The following CAST variants were observed in gnomAD, a reference collection of about 807,000 sequenced individuals.
CAST encodes the protein calpastatin.
CAST carries 76 observed loss-of-function variants against 119.6 expected under a neutral mutation model. That is an observed-to-expected ratio of 0.64 (90% CI 0.53 to 0.77). CAST has a LOEUF of 0.77. Ranked by LOEUF, CAST falls within the 30% of genes least tolerant of loss-of-function variation. The pLI, the probability that CAST is intolerant of heterozygous loss-of-function variation, is 0.00. For missense variants in CAST, 953 were observed against 946.5 expected, an observed-to-expected ratio of 1.01 and a Z score of -0.09; for synonymous variants, 319 against 331.6, an observed-to-expected ratio of 0.96 and a Z score of 0.41.
intron 16 of CAST, among the ~76,000 whole-genome samples, chr5:96,745,400 T>C (rs27979): frequency 6.6e-6 from 1 of 152,338 alleles, no homozygotes; most frequent in African/African-American, 2.4e-5. Flanking sequence ...GTTTTGTTTT[T>C]TATATTTCCT....
the CAST span, among the ~76,000 whole-genome samples, chr5:95,991,582 T>C: frequency 6.9e-6 from 1 of 144,128 alleles, no homozygotes; most frequent in African/African-American, 2.5e-5. Context: ...CTGGGCACAC[T>C]GTAACCTCTG....
chr5:96,367,796 C>T, the CAST span, among the ~76,000 whole-genome samples: 1 of 152,036 alleles, frequency 6.6e-6, no homozygotes, highest in Non-Finnish European at 1.5e-5. Flanking sequence ...CCTCGCCCTG[C>T]TTTGGCTCAC....
At chr5:96,063,058 G>A in the CAST span, among the ~76,000 whole-genome samples, 2 of 152,064 alleles carry the variant, frequency 1.3e-5, no homozygotes, top group Non-Finnish European at 2.9e-5. Flanking sequence ...TCAGAATCTT[G>A]GTAGACTTCC....
the CAST span, chr5:96,432,266 C>T: frequency 1.4e-6 from 1 of 737,122 alleles, no homozygotes; most frequent in Non-Finnish European, 2.2e-6. Context: ...ACCATTTCTC[C>T]CCCCAGCTTC....
At chr5:96,613,478 A>G (rs73774332) in intron 1 of CAST, among the ~76,000 whole-genome samples, 3 of 152,158 alleles carry the variant, frequency 2.0e-5, no homozygotes, top group Non-Finnish European at 2.9e-5. Context: ...TCACAACCCT[A>G]TGAGTTAGAT....
chr5:96,033,260 C>T, the CAST span, among the ~76,000 whole-genome samples: 1 of 151,824 alleles, frequency 6.6e-6, no homozygotes, highest in East Asian at 1.9e-4. Context: ...AAGAGATCAA[C>T]GTAATCCCTA....
At chr5:96,068,960 TG>T in the CAST span, among the ~76,000 whole-genome samples, 31 of 150,836 alleles carry the variant, frequency 2.1e-4, no homozygotes, top group Non-Finnish European at 4.3e-4. Flanking sequence ...ATCGACAGGA[TG>T]TATGCGTGTA....
chr5:96,212,103 ATTG>A, the CAST span, among the ~76,000 whole-genome samples: 1 of 151,058 alleles, frequency 6.6e-6, no homozygotes, highest in East Asian at 2.0e-4. Flanking sequence ...GATTTTTTGT[ATTG>A]TTTTTCTGGT....
At chr5:96,404,776 G>A in the CAST span, among the ~76,000 whole-genome samples, 1 of 152,120 alleles carries the variant, frequency 6.6e-6, no homozygotes, top group African/African-American at 2.4e-5. Flanking sequence ...TGGGATCTTG[G>A]TTATATATCT....
the CAST span, among the ~76,000 whole-genome samples, chr5:96,240,460 T>C: frequency 2.0e-5 from 3 of 152,236 alleles, no homozygotes; most frequent in African/African-American, 7.2e-5. Flanking sequence ...TTCCTAATGC[T>C]TTATACAGTC....
chr5:96,531,405 C>T (rs1745685224), intron 1 of CAST, among the ~76,000 whole-genome samples: 1 of 152,144 alleles, frequency 6.6e-6, no homozygotes, highest in Non-Finnish European at 1.5e-5. Flanking sequence ...ACCACACTCA[C>T]CCCCGCATTT....
At position 96,753,974 on chromosome 5, in the gene CAST, AATG is replaced by A. The variant is rs1426597990; in HGVS notation, c.1525-83_1525-81del. 3 of 763,212 alleles carry A rather than the reference AATG, an allele frequency of 3.9e-6. No individual in the cohort carries two copies. The African/African-American group carries it at 5.2e-5, about 13-fold the overall frequency. The allele number at this position is 763,212 out of a possible 1,614,324, so 47.3% of individuals were successfully genotyped here. A position where few individuals can be genotyped will look rare whatever the true frequency, so the allele number is the denominator to read the frequency against. ...ATAGCGTGTGCCTTTTATCTGAAAT[AATG>A]ATATGCCTTTCTGAATTGATAGCAT... is the stretch of plus-strand genomic sequence containing the variant. On this transcript the variant is annotated intron_variant, in intron 20 of 31. Transcript: ENST00000675179.
the CAST span, among the ~76,000 whole-genome samples, chr5:96,266,858 A>G: frequency 6.6e-6 from 1 of 152,248 alleles, no homozygotes; most frequent in African/African-American, 2.4e-5. Context: ...AGATGGCAAT[A>G]TATGAACTCT....
the CAST span, chr5:96,394,870 T>A: frequency 6.2e-7 from 1 of 1,614,086 alleles, no homozygotes; most frequent in Non-Finnish European, 8.5e-7. Flanking sequence ...AGACCTCCCC[T>A]GGATCCACCA....
chr5:96,414,551 A>T, the CAST span, among the ~76,000 whole-genome samples: 2 of 152,198 alleles, frequency 1.3e-5, no homozygotes, highest in Admixed American at 6.5e-5. Flanking sequence ...ATAAATGAAG[A>T]TTATTGGTAA....
At chr5:96,453,800 T>A in the CAST span, among the ~76,000 whole-genome samples, 1 of 152,174 alleles carries the variant, frequency 6.6e-6, no homozygotes, top group African/African-American at 2.4e-5. Context: ...TCTTAAATCT[T>A]AAAAGTAATT....
At chr5:96,072,859 A>G in the CAST span, among the ~76,000 whole-genome samples, 1 of 152,324 alleles carries the variant, frequency 6.6e-6, no homozygotes, top group Admixed American at 6.5e-5. Context: ...CAAGAGGTTC[A>G]AAGACAAGCG....
At chr5:96,495,377 C>T in the CAST span, among the ~76,000 whole-genome samples, 1 of 152,030 alleles carries the variant, frequency 6.6e-6, no homozygotes, top group East Asian at 1.9e-4. Flanking sequence ...GTTTTAAGCC[C>T]CGCATGCATT....
At chr5:96,355,164 A>AAGTCTCCCACTATTAT in the CAST span, among the ~76,000 whole-genome samples, 1 of 152,010 alleles carries the variant, frequency 6.6e-6, no homozygotes, top group South Asian at 2.1e-4. Context: ...ATTCCTCCTA[A>AAGTCTCCCACTATTAT]TGCTATCCCT....
Sources: gnomAD v4.1 joint callset for allele counts (sites outside exome capture counted in the v4.1 genomes callset) on GRCh38, gnomAD v4.1.1 for gene constraint, MANE v1.5 for transcripts, NCBI Gene and HGNC (gene_info 2026-07-23, HGNC 2026-07-21) for gene names.